The following ADAMDEC1 variants were observed in gnomAD, a reference collection of about 807,000 sequenced individuals.
ADAMDEC1 encodes the protein ADAM like decysin 1.
In ADAMDEC1, 62 loss-of-function variants were observed where a neutral mutation model predicts 60.4. That is an observed-to-expected ratio of 1.03 (90% CI 0.84 to 1.27). The LOEUF (loss-of-function observed/expected upper bound fraction) is 1.27, where lower values mean the gene tolerates loss of function less well. Among genes scored for constraint, ADAMDEC1 ranks in the 50% most tolerant of loss-of-function variants. The pLI, the probability that ADAMDEC1 is intolerant of heterozygous loss-of-function variation, is 0.00. For missense variants in ADAMDEC1, 595 were observed against 565.0 expected, an observed-to-expected ratio of 1.05 and a Z score of -0.54; for synonymous variants, 210 against 195.1, an observed-to-expected ratio of 1.08 and a Z score of -0.64.
rs752695120 is a variant in ADAMDEC1 at position 24,398,954 on chromosome 8, C to T, written c.843C>T (p.Pro281=). The change falls in exon 9 of 14, where the codon CCC becomes CCT. Residue 281 remains proline, a synonymous_variant. Transcript: ENST00000256412. ...ATGGGGATAAGATAAAGGTGGTGCCCAGCGCAAGCACCACGTTTGACAACT... is the reference window on the plus strand; with the variant it reads ...ATGGGGATAAGATAAAGGTGGTGCCTAGCGCAAGCACCACGTTTGACAACT... ...WSDGDKIKVV[P]SASTTFDNFL... 6.2e-7 allele frequency: 1 copy of T among 1,613,598 alleles called. No homozygotes were observed. Among genetic ancestry groups the T allele is most frequent in the South Asian group, 1.1e-5 (1 of 91,062 alleles).
chr8:24,393,233 A>C, intron 2 of ADAMDEC1, 29 bp from the exon 3 acceptor site: 1 of 1,378,260 alleles, frequency 7.3e-7, no homozygotes, highest in Non-Finnish European at 1.0e-6. Context: ...CAGAAATATA[A>C]ATTGCTTGAT....
intron 7 of ADAMDEC1, 34 bp downstream of exon 7, chr8:24,397,779 T>G: frequency 6.3e-7 from 1 of 1,589,288 alleles, no homozygotes; most frequent in Non-Finnish European, 8.6e-7. Flanking sequence ...CTCGGCCAGT[T>G]CAGTCACCCT....
intron 7 of ADAMDEC1, 96 bp downstream of exon 7, chr8:24,397,841 TG>T: frequency 8.6e-7 from 1 of 1,166,814 alleles, no homozygotes; most frequent in Non-Finnish European, 1.2e-6. Context: ...TAGCTAATCA[TG>T]GGGCATTTGT....
At chr8:24,394,185 T>C (rs1175068356) in intron 4 of ADAMDEC1, 38 bp downstream of exon 4, 1 of 1,489,840 alleles carries the variant, frequency 6.7e-7, no homozygotes, top group Admixed American at 1.7e-5. Flanking sequence ...TTTTGAGTTT[T>C]AGATGTTATT....
chr8:24,404,532 A>G (rs937177641), intron 13 of ADAMDEC1, among the ~76,000 whole-genome samples: 1 of 152,170 alleles, frequency 6.6e-6, no homozygotes, highest in African/African-American at 2.4e-5. Flanking sequence ...TACTCCCTTT[A>G]AAGTGTCTCA....
chr8:24,404,174 A>G (rs548859969), intron 13 of ADAMDEC1, 86 bp downstream of exon 13: 1 of 1,100,294 alleles, frequency 9.1e-7, no homozygotes, highest in Non-Finnish European at 1.3e-6. Context: ...GTTCCATAAT[A>G]CACTAAAACA....
rs1408000605 is a variant in ADAMDEC1, at chr8:24,403,994, G to A, written c.1321-9G>A. 2.5e-6 allele frequency: 4 copies of A among 1,611,904 alleles called. No homozygotes were observed. In the Admixed American group the frequency reaches 6.7e-5, roughly 27 times the overall value. On this transcript the variant is annotated splice_polypyrimidine_tract_variant and intron_variant, in intron 12 of 13. Transcript: ENST00000256412. ...ACCCACCTTTTTCCATTGTGTGTGT[G>A]CTTTGAAGGAGTGTACCAATCTCTG...
chr8:24,404,364 A>G (rs937193798), intron 13 of ADAMDEC1, among the ~76,000 whole-genome samples: 12 of 152,218 alleles, frequency 7.9e-5, no homozygotes, highest in African/African-American at 2.9e-4. Flanking sequence ...GAGAACGATG[A>G]GTTTAATACA....
rs1442154289 is a variant in ADAMDEC1, at chr8:24,405,462, G to C, written c.*164G>C. ...GGAAACAGGTAAACAGATGTAATTA[G>C]AGACATTGGCTCTTTGTTTAGGCCT... On this transcript the variant is annotated 3_prime_UTR_variant, in exon 14 of 14. Transcript: ENST00000256412. 4 of 655,048 alleles carry C rather than the reference G, an allele frequency of 6.1e-6. No individual in the cohort carries two copies. In the South Asian group the frequency reaches 1.0e-4, roughly 17 times the overall value. 40.6% of individuals were successfully genotyped at this position (655,048 alleles called of 1,614,324 possible). A position where few individuals can be genotyped will look rare whatever the true frequency, so the allele number is the denominator to read the frequency against.
chr8:24,390,136 C>CTG (rs1452093911), intron 1 of ADAMDEC1: 1 of 682,436 alleles, frequency 1.5e-6, no homozygotes, highest in East Asian at 6.5e-5. Context: ...CAGCCTCAAA[C>CTG]TGTGCGTGGC....
At chr8:24,397,494 T>A in intron 6 of ADAMDEC1, 38 bp downstream of exon 6, 5 of 1,603,932 alleles carry the variant, frequency 3.1e-6, no homozygotes, top group Non-Finnish European at 4.3e-6. Context: ...TTACTTCAAT[T>A]GTCTCAGCAA....
intron 13 of ADAMDEC1, among the ~76,000 whole-genome samples, chr8:24,404,944 T>C (rs570461856): frequency 3.9e-5 from 6 of 152,106 alleles, no homozygotes; most frequent in African/African-American, 1.4e-4. Context: ...GCCAGAAACA[T>C]AGCATCACAA....
chr8:24,402,715 C>G (rs953920113), intron 12 of ADAMDEC1, among the ~76,000 whole-genome samples: 4 of 152,052 alleles, frequency 2.6e-5, no homozygotes, highest in African/African-American at 9.7e-5. Flanking sequence ...AGGATGCAGT[C>G]CAAGAAGTAT....
rs745825716 is a variant in ADAMDEC1, at chr8:24,402,064, G to A, written c.1292G>A (p.Gly431Glu). Reference sequence around the variant, plus strand: ...TGTGGGAACCACCTTCTAGAAGTGGGAGAAGACTGTGATTGTGGCTCTCCT... The same window carrying A: ...TGTGGGAACCACCTTCTAGAAGTGGAAGAAGACTGTGATTGTGGCTCTCCT... ...PVCGNHLLEV[G>E]EDCDCGSPKE... The change falls in exon 12 of 14, where the codon GGA (glycine) becomes GAA (glutamate). Residue 431 changes from glycine (G) to glutamate (E), a missense_variant. Coordinates refer to ENST00000256412, the MANE Select transcript of ADAMDEC1 (RefSeq NM_014479.3). 1.2e-6 allele frequency: 2 copies of A among 1,612,076 alleles called. No homozygotes were observed. Among genetic ancestry groups the A allele is most frequent in the Non-Finnish European group, 1.7e-6 (2 of 1,178,768 alleles).
At chr8:24,389,640 T>G (rs1278273385) in intron 1 of ADAMDEC1, among the ~76,000 whole-genome samples, 1 of 152,186 alleles carries the variant, frequency 6.6e-6, no homozygotes, top group African/African-American at 2.4e-5. Flanking sequence ...AGCCAAATTT[T>G]CTATCAGGTC....
intron 5 of ADAMDEC1, among the ~76,000 whole-genome samples, chr8:24,397,046 C>T (rs569353785): frequency 4.7e-4 from 72 of 152,306 alleles, no homozygotes; most frequent in Non-Finnish European, 7.2e-4. Flanking sequence ...GTTGCTTCAT[C>T]TTTATAATTC....
chr8:24,399,300 A>G (rs1817699199), intron 9 of ADAMDEC1, 93 bp from the exon 10 acceptor site: 1 of 1,317,334 alleles, frequency 7.6e-7, no homozygotes, highest in Admixed American at 1.7e-5. Context: ...TAAAAAGGCT[A>G]GGGCAGCGAG....
Position 24,397,285 on chromosome 8 carries a change from T to C in ADAMDEC1, c.456T>C (p.His152=). The change falls in exon 6 of 14, where the codon CAT becomes CAC. Residue 152 remains histidine (H), a synonymous_variant. Transcript: ENST00000256412. ...TATCTCCCAGAGGATACTTCACACA[T>C]CATCACCAAAGATACCAGATAAAAC... ...TCDGLRGYFT[H]HHQRYQIKPL... 6.2e-7 allele frequency: 1 copy of C among 1,612,958 alleles called. No homozygotes were observed. The highest frequency in any genetic ancestry group is 8.5e-7 in the Non-Finnish European group (1 of 1,179,652).
At chr8:24,397,062 C>G (rs913869155) in intron 5 of ADAMDEC1, among the ~76,000 whole-genome samples, 1 of 152,156 alleles carries the variant, frequency 6.6e-6, no homozygotes, top group Non-Finnish European at 1.5e-5. Context: ...AATTCTTGTT[C>G]AGAATTCTCT....
Sources: gnomAD v4.1 joint callset for allele counts (sites outside exome capture counted in the v4.1 genomes callset) on GRCh38, gnomAD v4.1.1 for gene constraint, MANE v1.5 for transcripts, NCBI Gene and HGNC (gene_info 2026-07-23, HGNC 2026-07-21) for gene names.